Variants in PKM observed in about 807,000 individuals in gnomAD.
The protein encoded by PKM is pyruvate kinase PKM.
Under a neutral mutation model 49.8 loss-of-function variants are expected in PKM, and 18 were observed. That is an observed-to-expected ratio of 0.36 (90% CI 0.25 to 0.54). The LOEUF (loss-of-function observed/expected upper bound fraction) is 0.54. Ranked by LOEUF, PKM falls within the 20% of genes least tolerant of loss-of-function variation. PKM has a pLI of 0.89. For missense variants in PKM, 508 were observed against 713.8 expected (o/e 0.71, Z 3.28); for synonymous variants, 239 against 261.8 (o/e 0.91, Z 0.84).
Position 72,200,369 on chromosome 15 carries a change from T to C in PKM, c.1489+105A>G. 9.8e-7 allele frequency: 1 copy of C among 1,015,526 alleles called. No homozygotes were observed. Among genetic ancestry groups the C allele is most frequent in the Non-Finnish European group, 1.5e-6 (1 of 654,798 alleles). The allele number at this position is 1,015,526 out of a possible 1,614,324, so 62.9% of individuals were successfully genotyped here. ...CTGGGCCTTTTGCCCCACTAAGGTC[T>C]GTGTGTTCCCCTTTCTATTCCCCAA... On this transcript the variant is annotated intron_variant, in intron 10 of 10. Transcript: ENST00000335181. This position sits in a 1 kb window ranked among gnomAD's most constrained non-coding sequence, Gnocchi z 4.6.
chr15:72,231,063 C>T (rs563924714), intron 1 of PKM, 53 bp downstream of exon 1: 1 of 766,624 alleles, frequency 1.3e-6, no homozygotes, highest in Admixed American at 2.4e-5. Flanking sequence ...CCGCACTAGC[C>T]GGGCGACTGG....
intron 8 of PKM, chr15:72,204,362 T>C (rs1160666346): frequency 6.6e-6 from 1 of 152,220 alleles, no homozygotes; most frequent in Non-Finnish European, 1.5e-5. Context: ...AATCCAAACC[T>C]TGCAGCCCTA....
intron 3 of PKM, among the ~76,000 whole-genome samples, chr15:72,211,543 C>T (rs2082253266): frequency 1.3e-5 from 2 of 152,114 alleles, no homozygotes; most frequent in Non-Finnish European, 2.9e-5. Flanking sequence ...TCAGGCTAAG[C>T]ACAGTGGCTC....
chr15:72,210,147 C>A (rs1314101687), intron 4 of PKM, 200 bp downstream of exon 4: 3 of 724,416 alleles, frequency 4.1e-6, no homozygotes, highest in Non-Finnish European at 6.9e-6. Context: ...AAAAAGGTTC[C>A]TTTGTGGTAC....
intron 1 of PKM, chr15:72,230,803 C>G (rs1205493249): frequency 3.8e-6 from 2 of 523,016 alleles, no homozygotes; most frequent in East Asian, 1.5e-4. Flanking sequence ...AGAAGGCAGG[C>G]GAGGATGGAG....
At chr15:72,221,253 G>T (rs1411517622) in intron 1 of PKM, 4 of 1,534,872 alleles carry the variant, frequency 2.6e-6, no homozygotes, top group Non-Finnish European at 8.7e-7. Context: ...AGCAAAGACC[G>T]CTCAGAGCTG....
chr15:72,211,393 A>G (rs1163419875), intron 3 of PKM, among the ~76,000 whole-genome samples: 1 of 152,030 alleles, frequency 6.6e-6, no homozygotes, highest in Non-Finnish European at 1.5e-5. Flanking sequence ...TTCTGATTGG[A>G]GGGGGAAAGG....
upstream of PKM, chr15:72,231,237 G>T (rs1412602474): frequency 3.1e-5 from 5 of 163,678 alleles, no homozygotes; most frequent in African/African-American, 1.2e-4. Context: ...GCGGGCCGCC[G>T]CAATCCCTCC....
At chr15:72,221,121 G>C in intron 1 of PKM, 1 of 1,062,680 alleles carries the variant, frequency 9.4e-7, no homozygotes, top group Non-Finnish European at 1.4e-6. Flanking sequence ...AGATATGAGG[G>C]TCTTCCTGTA....
Position 72,202,146 on chromosome 15 carries a change from T to C in PKM, c.1307+308A>G, listed in dbSNP as rs576813403. ...CAAAAGTGGTTATCTTTTACAATTT[T>C]AGAGGACTAAATTTTCAATATCAAA... On this transcript the variant is annotated intron_variant, in intron 9 of 10. Transcript: ENST00000335181. The surrounding 1 kb of genome is among the most constrained non-coding windows in gnomAD (Gnocchi z 4.5). 2.2e-4 allele frequency: 92 copies of C among 421,940 alleles called. 1 individual carries two copies. The South Asian group carries it at 2.4e-3, about 11-fold the overall frequency. 26.1% of individuals were successfully genotyped at this position (421,940 alleles called of 1,614,324 possible).
rs2081974964 is a variant in PKM at position 72,202,692 on chromosome 15, G to A, written c.1141-72C>T. 2 of 1,368,958 alleles carry A rather than the reference G, an allele frequency of 1.5e-6. No homozygotes were observed. Among genetic ancestry groups the A allele is most frequent in the African/African-American group, 1.4e-5 (1 of 69,898 alleles). 84.8% of individuals were successfully genotyped at this position (1,368,958 alleles called of 1,614,324 possible). On this transcript the variant is annotated intron_variant, in intron 8 of 10. Coordinates refer to ENST00000335181, the MANE Select transcript of PKM (RefSeq NM_002654.6). This position sits in a 1 kb window ranked among gnomAD's most constrained non-coding sequence, Gnocchi z 4.5. The stretch of plus-strand genomic sequence containing the variant: ...TTGTCAGAGCTTTGTCACAAAAGGA[G>A]AGGGAGGGGAAGAGTCACCGGACAG...
rs138569410 is a variant in PKM at position 72,216,184 on chromosome 15, T to C, written c.246+1225A>G. ...CCAGAGGGCAACCTCTGTAAGGCAA[T>C]TGGCCTTACAGGATAGCATTTTCTT... On this transcript the variant is annotated intron_variant, in intron 3 of 10. Coordinates refer to ENST00000335181, the MANE Select transcript of PKM (RefSeq NM_002654.6). Among the ~76,000 whole-genome samples the C allele has an allele frequency of 5.1e-4, 78 of 152,372 alleles. 1 individual carries two copies. Among genetic ancestry groups the C allele is most frequent in the South Asian group, 2.1e-3 (10 of 4,830 alleles).
At chr15:72,214,975 G>C (rs1340791168) in intron 3 of PKM, among the ~76,000 whole-genome samples, 1 of 152,156 alleles carries the variant, frequency 6.6e-6, no homozygotes, top group Non-Finnish European at 1.5e-5. Flanking sequence ...GAGGCAGTCG[G>C]ATCACCTGAG....
rs1218791985 is a variant in PKM at position 72,202,429 on chromosome 15, C to A, written c.1307+25G>T. On this transcript the variant is annotated intron_variant, in intron 9 of 10. Coordinates refer to ENST00000335181, the MANE Select transcript of PKM (RefSeq NM_002654.6). This position sits in a 1 kb window ranked among gnomAD's most constrained non-coding sequence, Gnocchi z 4.5. ...GTGAGGTACCACTGAGCAGGGCATT[C>A]CAGGGAGCCGCTGCCGCCTCCTACC... 2.5e-6 allele frequency: 4 copies of A among 1,606,644 alleles called. No individual in the cohort carries two copies. Among genetic ancestry groups the A allele is most frequent in the Non-Finnish European group, 3.4e-6 (4 of 1,177,108 alleles).
At chr15:72,230,729 G>C (rs1476492219) in intron 1 of PKM, among the ~76,000 whole-genome samples, 1 of 152,094 alleles carries the variant, frequency 6.6e-6, no homozygotes, top group Non-Finnish European at 1.5e-5. Flanking sequence ...AGGGGAAAAC[G>C]AGCACGGAAC....
At chr15:72,224,575 A>G (rs542289039) in intron 1 of PKM, among the ~76,000 whole-genome samples, 1 of 152,284 alleles carries the variant, frequency 6.6e-6, no homozygotes, top group South Asian at 2.1e-4. Flanking sequence ...ATTAACACTG[A>G]GCCATGGCTG....
intron 5 of PKM, chr15:72,209,405 A>G (rs1257965454): frequency 2.2e-4 from 2 of 9,292 alleles, no homozygotes; most frequent in African/African-American, 4.0e-4. Context: ...AAATATATAT[A>G]TATATATATA....
intron 3 of PKM, among the ~76,000 whole-genome samples, chr15:72,215,513 A>C (rs2082358120): frequency 6.6e-6 from 1 of 152,226 alleles, no homozygotes; most frequent in East Asian, 1.9e-4. Flanking sequence ...ATCTTTAAAA[A>C]ATAAATAGAT....
At position 72,202,744 on chromosome 15, in the gene PKM, A is replaced by T; in HGVS notation, c.1141-124T>A. 1.1e-6 allele frequency: 1 copy of T among 881,546 alleles called. No individual in the cohort carries two copies. The highest frequency in any genetic ancestry group is 1.8e-6 in the Non-Finnish European group (1 of 554,796). The allele number at this position is 881,546 out of a possible 1,614,324, so 54.6% of individuals were successfully genotyped here. Reference sequence around the variant, plus strand: ...TGGTGAGGAACATGTTCCTGGGAACAAAGGCCAAGAGGAGCCCAATCACTG... The same window carrying T: ...TGGTGAGGAACATGTTCCTGGGAACTAAGGCCAAGAGGAGCCCAATCACTG... On this transcript the variant is annotated intron_variant, in intron 8 of 10. Transcript: ENST00000335181. This position sits in a 1 kb window ranked among gnomAD's most constrained non-coding sequence, Gnocchi z 4.5.
Sources: allele counts gnomAD v4.1 joint callset (sites outside exome capture counted in the v4.1 genomes callset), GRCh38; gene constraint gnomAD v4.1.1; non-coding constraint Gnocchi (gnomAD v3.1); transcripts MANE v1.5; gene names NCBI Gene and HGNC (gene_info 2026-07-23, HGNC 2026-07-21).